The following SNX24 variants were observed in gnomAD, a reference collection of about 807,000 sequenced individuals.
The protein encoded by SNX24 is sorting nexin 24, also known as sorting nexin-24.
A neutral mutation model predicts 28.7 loss-of-function variants in SNX24; 22 were observed. That is an observed-to-expected ratio of 0.77 (90% confidence interval 0.55 to 1.10). The LOEUF (loss-of-function observed/expected upper bound fraction) is 1.10. Ranked by LOEUF, SNX24 falls within the 50% of genes least tolerant of loss-of-function variation. The pLI is 0.00. For synonymous variants in SNX24, 69 were observed against 71.5 expected, an observed-to-expected ratio of 0.96 and a Z score of 0.18; for missense variants, 221 against 201.1, an observed-to-expected ratio of 1.10 and a Z score of -0.60.
chr5:122,928,842 TG>T (rs1352188403), intron 1 of SNX24, among the ~76,000 whole-genome samples: 1 of 149,096 alleles, frequency 6.7e-6, no homozygotes, highest in Non-Finnish European at 1.5e-5. Context: ...AAATAATACT[TG>T]AGCAGAGACC....
chr5:122,889,739 ATG>A (rs56221716), intron 1 of SNX24, among the ~76,000 whole-genome samples: 2 of 129,842 alleles, frequency 1.5e-5, no homozygotes, highest in African/African-American at 2.9e-5. Context: ...ATATATATAT[ATG>A]TGTATATATA....
At chr5:123,028,705 G>A in intron 5 of SNX24, 2 of 1,237,112 alleles carry the variant, frequency 1.6e-6, no homozygotes, top group South Asian at 2.7e-5. Flanking sequence ...TCAACAGACT[G>A]GGTTCATATA....
intron 1 of SNX24, among the ~76,000 whole-genome samples, chr5:122,849,969 T>C (rs1754819852): frequency 6.6e-6 from 1 of 152,104 alleles, no homozygotes; most frequent in African/African-American, 2.4e-5. Context: ...AATTTCAGGA[T>C]TGTGCGAAGT....
At chr5:123,023,548 T>C (rs45560934) in intron 5 of SNX24, 2,570 of 172,046 alleles carry the variant, frequency 0.015, 59 homozygotes, top group African/African-American at 0.042. Context: ...TGTTCAGCAT[T>C]ACCCAATATG....
intron 3 of SNX24, among the ~76,000 whole-genome samples, chr5:122,969,307 A>G (rs1176274306): frequency 2.0e-5 from 3 of 152,186 alleles, no homozygotes; most frequent in Admixed American, 1.3e-4. Context: ...ACTTCCACAT[A>G]GCTGAAACCA....
intron 5 of SNX24, among the ~76,000 whole-genome samples, chr5:123,021,836 G>A (rs553758964): frequency 1.3e-5 from 2 of 152,066 alleles, no homozygotes; most frequent in South Asian, 4.2e-4. Context: ...TTTCTCTTCT[G>A]CCCTGGAATT....
chr5:122,856,242 G>C (rs1207238340), intron 1 of SNX24, among the ~76,000 whole-genome samples: 1 of 152,074 alleles, frequency 6.6e-6, no homozygotes, highest in Admixed American at 6.6e-5. Context: ...TTCTGTTTCT[G>C]TGTGTGTTTG....
intron 1 of SNX24, among the ~76,000 whole-genome samples, chr5:122,923,627 C>G (rs1271832434): frequency 2.0e-5 from 3 of 152,162 alleles, no homozygotes; most frequent in African/African-American, 7.2e-5. Context: ...TCTTGTTTTC[C>G]CATCTTTCAG....
intron 3 of SNX24, among the ~76,000 whole-genome samples, chr5:122,958,356 C>T (rs1475215807): frequency 1.3e-5 from 2 of 152,034 alleles, no homozygotes; most frequent in East Asian, 1.9e-4. Flanking sequence ...CAGGTTCAAG[C>T]GATTCTCCTG....
At chr5:122,890,284 A>G (rs1042920371) in intron 1 of SNX24, among the ~76,000 whole-genome samples, 13 of 151,934 alleles carry the variant, frequency 8.6e-5, no homozygotes, top group African/African-American at 3.1e-4. Flanking sequence ...TTTTATAATT[A>G]TTAACTAACA....
At chr5:122,888,356 C>T (rs1756806094) in intron 1 of SNX24, among the ~76,000 whole-genome samples, 1 of 152,090 alleles carries the variant, frequency 6.6e-6, no homozygotes, top group African/African-American at 2.4e-5. Flanking sequence ...GGCTCTGAAA[C>T]CTGACAGCCT....
At chr5:122,941,096 G>T (rs1192456961) in intron 2 of SNX24, among the ~76,000 whole-genome samples, 1 of 152,074 alleles carries the variant, frequency 6.6e-6, no homozygotes, top group East Asian at 1.9e-4. Flanking sequence ...ATAAGTACCA[G>T]ATGCTATGAC....
intron 1 of SNX24, among the ~76,000 whole-genome samples, chr5:122,857,367 A>G (rs895977735): frequency 4.6e-5 from 7 of 151,480 alleles, no homozygotes; most frequent in Admixed American, 3.3e-4. Flanking sequence ...TCTTCTACAT[A>G]TGGCTACCAC....
Position 123,025,869 on chromosome 5 carries a change from T to C in SNX24, n.384-3369T>C, listed in dbSNP as rs766984428. On this transcript the variant is annotated intron_variant and non_coding_transcript_variant, in intron 5 of 5. Coordinates refer to the SNX24 transcript ENST00000502387. ...CAAGGTGATAAAGAACTGAGAGCCA[T>C]TGGTGTCAGGCCCAGCGTTGGCCAT... The C allele has an allele frequency of 7.4e-6, 12 of 1,614,102 alleles. No homozygotes were observed. The South Asian group carries it at 7.7e-5, about 10-fold the overall frequency.
chr5:122,999,945 C>G lies in SNX24; in HGVS notation c.283C>G (p.Leu95Val). The G allele has an allele frequency of 6.2e-7, 1 of 1,613,250 alleles. No homozygotes were observed. Among genetic ancestry groups the G allele is most frequent in the Non-Finnish European group, 8.5e-7 (1 of 1,179,164 alleles). Residue 95 changes from leucine to valine, a missense_variant, in exon 4 of 7, where the codon CTG becomes GTG. Physicochemically the swap from Leu to Val is conservative, Grantham distance 32 (BLOSUM62 1). Transcript: ENST00000261369. ...TTTAGAAAATGAAGAACTTCCCAAACTGTTTCTTGATTTCCTAAATGTGCG... is the reference window on the plus strand; with the variant it reads ...TTTAGAAAATGAAGAACTTCCCAAAGTGTTTCTTGATTTCCTAAATGTGCG... The part of the protein sequence containing the change: ...VILENEELPK[L>V]FLDFLNVRHL...
intron 1 of SNX24, among the ~76,000 whole-genome samples, chr5:122,904,826 G>A (rs1162229629): frequency 6.6e-6 from 1 of 152,114 alleles, no homozygotes; most frequent in Non-Finnish European, 1.5e-5. Flanking sequence ...TAAACTCCAT[G>A]GAGTTTAACT....
At chr5:122,927,658 GA>G (rs1321371573) in intron 1 of SNX24, among the ~76,000 whole-genome samples, 1 of 152,186 alleles carries the variant, frequency 6.6e-6, no homozygotes, top group Non-Finnish European at 1.5e-5. Context: ...CATTTAAAGT[GA>G]AGCAAAATCT....
chr5:123,018,350 CA>C (rs939206030), intron 5 of SNX24, among the ~76,000 whole-genome samples: 5 of 152,084 alleles, frequency 3.3e-5, no homozygotes, highest in African/African-American at 1.2e-4. Flanking sequence ...GCACCGGAAG[CA>C]GGCTTGTCTT....
At chr5:122,856,525 C>CTTTTTTTTTTTTTTTTTTTTT (rs1184957460) in intron 1 of SNX24, among the ~76,000 whole-genome samples, 1 of 131,582 alleles carries the variant, frequency 7.6e-6, no homozygotes, top group Non-Finnish European at 1.6e-5. Context: ...AGTTCTGTGT[C>CTTTTTTTTTTTTTTTTTTTTT]TTTTTTTTTT....
Sources: gnomAD v4.1 joint callset for allele counts (sites outside exome capture counted in the v4.1 genomes callset) on GRCh38, gnomAD v4.1.1 for gene constraint, MANE v1.5 for transcripts, NCBI Gene and HGNC (gene_info 2026-07-23, HGNC 2026-07-21) for gene names.